EPHA7: variants seen among roughly 807,000 people sequenced by gnomAD.
EPHA7 encodes the protein EPH receptor A7, also known as ephrin type-A receptor 7.
A neutral mutation model predicts 112.6 loss-of-function variants in EPHA7; 25 were observed. That is an observed-to-expected ratio of 0.22 (90% CI 0.16 to 0.31). The LOEUF is 0.31. EPHA7 is among the 10% of genes least tolerant of loss of function. The probability of loss-of-function intolerance (pLI) is 1.00; values close to 1 mark genes in which losing one functional copy is unlikely to be tolerated. For synonymous variants in EPHA7, 437 were observed against 406.5 expected (o/e 1.07, Z -0.90); for missense variants, 962 against 1,212.6 (o/e 0.79, Z 3.07).
At chr6:93,297,351 T>A (rs1772724356) in intron 5 of EPHA7, among the ~76,000 whole-genome samples, 1 of 152,114 alleles carries the variant, frequency 6.6e-6, no homozygotes. Flanking sequence ...TTTTTCTTTC[T>A]GAGGAAAATG....
chr6:93,352,876 G>A (rs1775764978), intron 5 of EPHA7, among the ~76,000 whole-genome samples: 1 of 152,008 alleles, frequency 6.6e-6, no homozygotes, highest in African/African-American at 2.4e-5. Flanking sequence ...ATAAGTGGGA[G>A]CTAAATGATG....
intron 16 of EPHA7, among the ~76,000 whole-genome samples, chr6:93,244,364 C>T (rs142611619): frequency 4.6e-5 from 7 of 152,202 alleles, no homozygotes; most frequent in Non-Finnish European, 7.4e-5. Context: ...AACCCATGTA[C>T]GTGACATTTC....
At chr6:93,378,429 A>G (rs1377780246) in intron 3 of EPHA7, among the ~76,000 whole-genome samples, 4 of 152,152 alleles carry the variant, frequency 2.6e-5, no homozygotes, top group Non-Finnish European at 4.4e-5. Flanking sequence ...ATGCAAGATG[A>G]CATGTAAGAA....
In EPHA7 at chr6:93,356,613, G is replaced by A. The variant is rs1018995306; in HGVS notation, c.1324+104C>T. The A allele has an allele frequency of 1.9e-5, 20 of 1,072,458 alleles. No homozygotes were observed. In the Admixed American group the frequency reaches 4.2e-4, roughly 22 times the overall value. The allele number at this position is 1,072,458 out of a possible 1,614,324, so 66.4% of individuals were successfully genotyped here. On this transcript the variant is annotated intron_variant, in intron 5 of 16. Coordinates refer to ENST00000369303, the MANE Select transcript of EPHA7 (RefSeq NM_004440.4). ...AAAGCTGTAAATAATCAACAAGCTG[G>A]AAGAATCAAGCTCTGTGCAGAGAAA...
At chr6:93,392,960 T>G (rs755639058) in intron 3 of EPHA7, among the ~76,000 whole-genome samples, 90 of 151,916 alleles carry the variant, frequency 5.9e-4, no homozygotes, top group African/African-American at 2.1e-3. Flanking sequence ...TACATAAACT[T>G]ATTTATTAAA....
intron 16 of EPHA7, among the ~76,000 whole-genome samples, chr6:93,244,677 A>G (rs1399240691): frequency 6.6e-6 from 1 of 151,968 alleles, no homozygotes; most frequent in East Asian, 1.9e-4. Context: ...CATTTTTTTC[A>G]GGTTAAAAAA....
At chr6:93,370,023 GA>G (rs1273983236) in intron 3 of EPHA7, among the ~76,000 whole-genome samples, 1 of 152,134 alleles carries the variant, frequency 6.6e-6, no homozygotes, top group Non-Finnish European at 1.5e-5. Flanking sequence ...GCTGCACAGG[GA>G]GACAACTGCA....
At position 93,264,665 on chromosome 6, in the gene EPHA7, G is replaced by T; in HGVS notation, c.1671C>A (p.Ile557=). The T allele has an allele frequency of 1.2e-6, 2 of 1,606,888 alleles. No homozygotes were observed. Among genetic ancestry groups the T allele is most frequent in the South Asian group, 1.1e-5 (1 of 90,724 alleles). ...TCCCAGCTACAGCAACCACAGCAATGATAATAACAGGATTCTGTTCACTGG... is the reference window on the plus strand; with the variant it reads ...TCCCAGCTACAGCAACCACAGCAATTATAATAACAGGATTCTGTTCACTGG... ...AVSSEQNPVI[I]IAVVAVAGTI... The change falls in exon 8 of 17, where the codon ATC becomes ATA. Residue 557 remains isoleucine, a synonymous_variant. Coordinates refer to ENST00000369303, the MANE Select transcript of EPHA7 (RefSeq NM_004440.4).
chr6:93,341,665 C>G (rs757269195), intron 5 of EPHA7, among the ~76,000 whole-genome samples: 1 of 151,660 alleles, frequency 6.6e-6, no homozygotes. Flanking sequence ...TGAACTAAAC[C>G]AACATGCTGA....
At chr6:93,351,094 T>C (rs138409241) in intron 5 of EPHA7, among the ~76,000 whole-genome samples, 12 of 152,192 alleles carry the variant, frequency 7.9e-5, no homozygotes, top group Non-Finnish European at 1.5e-4. Flanking sequence ...TGCCGAGATA[T>C]TTGCCAGAAA....
chr6:93,268,234 T>A (rs1041753119), intron 7 of EPHA7, among the ~76,000 whole-genome samples: 4 of 151,756 alleles, frequency 2.6e-5, no homozygotes, highest in Non-Finnish European at 5.9e-5. Flanking sequence ...TCTATGTGAA[T>A]GATTTATATG....
At chr6:93,354,664 T>C (rs1384681538) in intron 5 of EPHA7, among the ~76,000 whole-genome samples, 2 of 146,580 alleles carry the variant, frequency 1.4e-5, no homozygotes, top group Non-Finnish European at 3.0e-5. Context: ...CCAGCCAACC[T>C]AGTTTGTTCT....
At chr6:93,397,648 T>C (rs144192623) in intron 3 of EPHA7, among the ~76,000 whole-genome samples, 2 of 152,048 alleles carry the variant, frequency 1.3e-5, no homozygotes, top group Admixed American at 1.3e-4. Context: ...AACATTCCAT[T>C]GGATTCCAGT....
chr6:93,408,886 T>C (rs1003858233), intron 3 of EPHA7, among the ~76,000 whole-genome samples: 12 of 152,160 alleles, frequency 7.9e-5, no homozygotes, highest in Admixed American at 5.9e-4. Context: ...ATTTTAACAT[T>C]ATCCTCTATC....
chr6:93,292,335 T>G (rs1429845166), intron 5 of EPHA7, among the ~76,000 whole-genome samples: 1 of 152,226 alleles, frequency 6.6e-6, no homozygotes, highest in African/African-American at 2.4e-5. Context: ...TTCACATCTC[T>G]ACTTTCAATG....
At chr6:93,400,331 A>T (rs117675127) in intron 3 of EPHA7, among the ~76,000 whole-genome samples, 1 of 152,266 alleles carries the variant, frequency 6.6e-6, no homozygotes, top group South Asian at 2.1e-4. Flanking sequence ...CAGGGAACAT[A>T]TAAATCACTG....
chr6:93,415,111 T>G (rs571177935), intron 1 of EPHA7, among the ~76,000 whole-genome samples: 1 of 152,140 alleles, frequency 6.6e-6, no homozygotes, highest in East Asian at 1.9e-4. Context: ...TGTTCAAATT[T>G]GTCAAATACA....
intron 5 of EPHA7, among the ~76,000 whole-genome samples, chr6:93,281,855 A>C (rs1179116548): frequency 1.3e-5 from 2 of 152,084 alleles, no homozygotes; most frequent in East Asian, 3.8e-4. Flanking sequence ...ACACAGGTAA[A>C]TTATATTTTA....
In EPHA7 at chr6:93,241,884, T is replaced by C; in HGVS notation, c.*1542A>G. 4.6e-6 allele frequency: 1 copy of C among 218,470 alleles called. No individual in the cohort carries two copies. The highest frequency in any genetic ancestry group is 9.2e-6 in the Non-Finnish European group (1 of 108,498). 13.5% of individuals were successfully genotyped at this position (218,470 alleles called of 1,614,324 possible). On this transcript the variant is annotated 3_prime_UTR_variant, in exon 17 of 17. Coordinates refer to ENST00000369303, the MANE Select transcript of EPHA7 (RefSeq NM_004440.4). ...AAGGAACATTTACAGATTTTGTTTC[T>C]GTTATTTGTTTGTTTGTTTGTGGAT... is the stretch of plus-strand genomic sequence containing the variant.
Sources: gnomAD v4.1 joint callset for allele counts (sites outside exome capture counted in the v4.1 genomes callset) on GRCh38, gnomAD v4.1.1 for gene constraint, MANE v1.5 for transcripts, NCBI Gene and HGNC (gene_info 2026-07-23, HGNC 2026-07-21) for gene names.